The following ADGRE5 variants were observed in gnomAD, a reference collection of about 807,000 sequenced individuals.
ADGRE5 encodes CD97 molecule.
A neutral mutation model predicts 100.3 loss-of-function variants in ADGRE5; 72 were observed. That is an observed-to-expected ratio of 0.72 (90% CI 0.59 to 0.87). The LOEUF (loss-of-function observed/expected upper bound fraction) is 0.87, where lower values mean the gene tolerates loss of function less well. ADGRE5 is among the 40% of genes least tolerant of loss of function. The pLI, the probability that ADGRE5 is intolerant of heterozygous loss-of-function variation, is 0.00. For missense variants in ADGRE5, 959 were observed against 1,094.7 expected, an observed-to-expected ratio of 0.88 and a Z score of 1.75; for synonymous variants, 439 against 447.8, an observed-to-expected ratio of 0.98 and a Z score of 0.25.
chr19:14,382,827 G>A (rs1244832049), intron 1 of ADGRE5, among the ~76,000 whole-genome samples: 2 of 151,074 alleles, frequency 1.3e-5, no homozygotes, highest in African/African-American at 2.4e-5. Flanking sequence ...CTCCTGCCTC[G>A]CCCCCATCCA....
At chr19:14,382,161 T>C (rs554222028) in intron 1 of ADGRE5, among the ~76,000 whole-genome samples, 3 of 152,300 alleles carry the variant, frequency 2.0e-5, no homozygotes. Flanking sequence ...GTAACGGTTA[T>C]CAGGGTAGCT....
At chr19:14,396,675 A>G (rs1309678945) in intron 5 of ADGRE5, among the ~76,000 whole-genome samples, 1 of 152,220 alleles carries the variant, frequency 6.6e-6, no homozygotes, top group Non-Finnish European at 1.5e-5. Context: ...TCAGGGCTGG[A>G]GTGCCCTTGT....
intron 4 of ADGRE5, among the ~76,000 whole-genome samples, chr19:14,393,885 A>G (rs1310101649): frequency 6.6e-6 from 1 of 152,182 alleles, no homozygotes; most frequent in Non-Finnish European, 1.5e-5. Flanking sequence ...TGAACTGGAA[A>G]AAGATCCCCC....
Position 14,398,893 on chromosome 19 carries a change from G to C in ADGRE5, c.897+754G>C, listed in dbSNP as rs374844595. On this transcript the variant is annotated intron_variant, in intron 9 of 19. Coordinates refer to ENST00000242786, the MANE Select transcript of ADGRE5 (RefSeq NM_078481.4). ...GTCTGGCTCTGTTGCCCATTCTGGA[G>C]GGCTGTGACATGATCATGGCTCGCT... Among the ~76,000 whole-genome samples, 4 of 151,418 alleles carry C rather than the reference G, an allele frequency of 2.6e-5. 1 individual carries two copies.
chr19:14,407,026 G>A (rs1412523589), intron 17 of ADGRE5, 35 bp from the exon 18 acceptor site: 1 of 1,613,826 alleles, frequency 6.2e-7, no homozygotes, highest in South Asian at 1.1e-5. Context: ...CTGGAGGTGA[G>A]GTGGGGGCCC....
rs745921116 is a variant in ADGRE5, at chr19:14,388,805, G to A, written c.177G>A (p.Thr59=). 17 of 1,613,226 alleles carry A rather than the reference G, an allele frequency of 1.1e-5. No homozygotes were observed. The highest frequency in any genetic ancestry group is 7.7e-5 in the South Asian group (7 of 91,050). The change falls in exon 3 of 20, where the codon ACG becomes ACA. Residue 59 remains threonine (T), a synonymous_variant. Transcript: ENST00000242786. ...SSFSEIITTP[T]ETCDDINECA... is the part of the protein sequence containing the mutation. Reference sequence around the variant, plus strand: ...TTTCTGAGATCATCACCACCCCGACGGAGACTTGTGACGGTACAGAGGCTT... The same window carrying A: ...TTTCTGAGATCATCACCACCCCGACAGAGACTTGTGACGGTACAGAGGCTT...
Position 14,406,684 on chromosome 19 carries a change from C to G in ADGRE5, c.2049-16C>G, listed in dbSNP as rs1976256234. 3 of 1,613,842 alleles carry G rather than the reference C, an allele frequency of 1.9e-6. No homozygotes were observed. The highest frequency in any genetic ancestry group is 2.5e-6 in the Non-Finnish European group (3 of 1,179,742). The stretch of plus-strand genomic sequence containing the variant: ...GCTTCCTGGGGCACTGATGGGACCC[C>G]TCCCTTCCCTCCTAGCTGCTGGTTG... On this transcript the variant is annotated splice_polypyrimidine_tract_variant and intron_variant, in intron 15 of 19. Coordinates refer to ENST00000242786, the MANE Select transcript of ADGRE5 (RefSeq NM_078481.4). The surrounding 1 kb of genome is among the most constrained non-coding windows in gnomAD (Gnocchi z 6.0).
At position 14,381,537 on chromosome 19, in the gene ADGRE5, T is replaced by G; in HGVS notation, c.14T>G (p.Val5Gly). Residue 5 changes from valine to glycine, a missense_variant, in exon 1 of 20, where the codon GTC (valine) becomes GGC (glycine). Val to Gly is a moderately radical substitution (Grantham distance 109). Around this residue, in one of 6 missense-constraint regions of ADGRE5, gnomAD observed 114 missense variants for 195.7 expected, o/e 0.58. Coordinates refer to ENST00000242786, the MANE Select transcript of ADGRE5 (RefSeq NM_078481.4). The part of the protein sequence containing the change: MGGR[V>G]FLAFCVWLTL... ...GCAGCTCCAACCATGGGAGGCCGCG[T>G]CTTTCTCGGTAAGTACTTTGGGGCC... is the stretch of plus-strand genomic sequence containing the variant. 1 of 1,609,750 alleles carries G rather than the reference T, an allele frequency of 6.2e-7. No homozygotes were observed. Among genetic ancestry groups the G allele is most frequent in the Non-Finnish European group, 8.5e-7 (1 of 1,178,512 alleles).
rs746207246 is a variant in ADGRE5, at chr19:14,401,479, C to T, written c.991C>T (p.Leu331Phe). The change falls in exon 10 of 20, where the codon CTC becomes TTC. Residue 331 changes from leucine to phenylalanine, a missense_variant. Around this residue, in one of 6 missense-constraint regions of ADGRE5, gnomAD observed 246 missense variants for 242.2 expected, o/e 1.02. Coordinates refer to ENST00000242786, the MANE Select transcript of ADGRE5 (RefSeq NM_078481.4). The surrounding 1 kb of genome is among the most constrained non-coding windows in gnomAD (Gnocchi z 4.1). ...PVRHLIATQL[L>F]SNLEDIMRIL... Reference sequence around the variant, plus strand: ...CCGGCACCTCATAGCCACCCAGCTGCTCTCAAACCTTGAAGATATCATGAG... The same window carrying T: ...CCGGCACCTCATAGCCACCCAGCTGTTCTCAAACCTTGAAGATATCATGAG... 1 of 1,614,158 alleles carries T rather than the reference C, an allele frequency of 6.2e-7. No homozygotes were observed. The highest frequency in any genetic ancestry group is 8.5e-7 in the Non-Finnish European group (1 of 1,180,014).
In ADGRE5 at chr19:14,396,655, G is replaced by A. The variant is rs73515699; in HGVS notation, c.478+182G>A. Among the ~76,000 whole-genome samples the A allele has an allele frequency of 2.1e-3, 327 of 152,360 alleles. 2 individuals are homozygous for A. Among genetic ancestry groups the A allele is most frequent in the African/African-American group, 7.4e-3 (309 of 41,590 alleles). ...AGGTCCTGCCACACGGCAGGGAGGC[G>A]GCAGGGCCTTCAGGGCTGGAGTGCC... On this transcript the variant is annotated intron_variant, in intron 5 of 19. Transcript: ENST00000242786.
chr19:14,385,224 C>T (rs1440936876), intron 1 of ADGRE5, among the ~76,000 whole-genome samples: 1 of 151,660 alleles, frequency 6.6e-6, no homozygotes, highest in Non-Finnish European at 1.5e-5. Flanking sequence ...GTTGGCCAGG[C>T]TGGTCTCACA....
chr19:14,400,290 G>A (rs1975958307), intron 9 of ADGRE5, among the ~76,000 whole-genome samples: 1 of 152,012 alleles, frequency 6.6e-6, no homozygotes, highest in African/African-American at 2.4e-5. Flanking sequence ...AAAGTGCTGG[G>A]ATTACAGGTG....
At chr19:14,383,858 T>G (rs1323653487) in intron 1 of ADGRE5, among the ~76,000 whole-genome samples, 2 of 151,986 alleles carry the variant, frequency 1.3e-5, no homozygotes, top group Admixed American at 6.6e-5. Flanking sequence ...CCCAGGGCCC[T>G]GAGGACCTCA....
chr19:14,387,391 A>G (rs953317898), intron 1 of ADGRE5, among the ~76,000 whole-genome samples: 2 of 152,076 alleles, frequency 1.3e-5, no homozygotes, highest in African/African-American at 4.8e-5. Flanking sequence ...GTTCAAGATC[A>G]GCCTGGGCAA....
rs764362684 is a variant in ADGRE5, at chr19:14,408,616, G to A, written c.*495G>A. The A allele has an allele frequency of 4.3e-5, 19 of 439,852 alleles. No individual in the cohort carries two copies. The highest frequency in any genetic ancestry group is 2.7e-4 in the South Asian group (6 of 21,930). 27.2% of individuals were successfully genotyped at this position (439,852 alleles called of 1,614,324 possible). A position where few individuals can be genotyped will look rare whatever the true frequency, so the allele number is the denominator to read the frequency against. ...GTACAGAGGCCTGCCCTGCCTGGCC[G>A]GGCAGGAGGTTCTCACTGTTGTGAA... On this transcript the variant is annotated 3_prime_UTR_variant, in exon 20 of 20. Transcript: ENST00000242786.
At chr19:14,398,023 G>A (rs577896881) in intron 8 of ADGRE5, 39 bp from the exon 9 acceptor site, 28 of 1,602,342 alleles carry the variant, frequency 1.7e-5, no homozygotes, top group East Asian at 6.7e-5. Flanking sequence ...CCCACCCGCC[G>A]TCCAGGCTCT....
chr19:14,407,368 A>C, intron 18 of ADGRE5, 139 bp downstream of exon 18: 1 of 1,004,134 alleles, frequency 1.0e-6, no homozygotes, highest in South Asian at 1.6e-5. Context: ...AAAAAAATTC[A>C]AAGATAGCCA....
chr19:14,405,631 C>T, intron 13 of ADGRE5, 117 bp from the exon 14 acceptor site: 2 of 726,792 alleles, frequency 2.8e-6, no homozygotes, highest in Non-Finnish European at 4.7e-6. Flanking sequence ...CTAGGAGGGA[C>T]AAGGGAGGAG....
intron 13 of ADGRE5, chr19:14,405,057 C>G (rs1374304376): frequency 6.3e-6 from 1 of 159,656 alleles, no homozygotes; most frequent in Non-Finnish European, 1.4e-5. Flanking sequence ...GTTGCCCAGG[C>G]TAGTCTCAAA....
Sources: allele counts gnomAD v4.1 joint callset (sites outside exome capture counted in the v4.1 genomes callset), GRCh38; gene constraint gnomAD v4.1.1; regional missense constraint gnomAD v4.1.1; non-coding constraint Gnocchi (gnomAD v3.1); transcripts MANE v1.5; gene names NCBI Gene and HGNC (gene_info 2026-07-23, HGNC 2026-07-21).